Variants in OXR1 observed in about 807,000 individuals in gnomAD.
The protein encoded by OXR1 is oxidation resistance 1, also known as oxidation resistance protein 1.
In OXR1, 41 loss-of-function variants were observed where a neutral mutation model predicts 104.6. The observed-to-expected ratio is 0.39, with a 90% CI of 0.31 to 0.51. OXR1 has a LOEUF of 0.51. Among genes scored for constraint, OXR1 ranks in the 20% least tolerant of loss-of-function variants. OXR1 has a pLI of 0.77. For missense variants in OXR1, 955 were observed against 1,031.9 expected (o/e 0.93, Z 1.02); for synonymous variants, 348 against 348.4 (o/e 1.00, Z 0.01).
intron 2 of OXR1, among the ~76,000 whole-genome samples, chr8:106,471,847 G>T (rs1182779397): frequency 1.3e-5 from 2 of 151,788 alleles, no homozygotes; most frequent in Non-Finnish European, 2.9e-5. Context: ...TAGACTTAGA[G>T]GAAAGTTACA....
At chr8:106,588,488 C>A (rs1389780089) in intron 3 of OXR1, among the ~76,000 whole-genome samples, 1 of 140,384 alleles carries the variant, frequency 7.1e-6, no homozygotes, top group Non-Finnish European at 1.5e-5. Context: ...TATAATTTCT[C>A]ATTTACTTTT....
chr8:106,722,487 G>A (rs762140013), intron 11 of OXR1, among the ~76,000 whole-genome samples: 3 of 152,108 alleles, frequency 2.0e-5, no homozygotes, highest in Non-Finnish European at 4.4e-5. Flanking sequence ...CGGTCATGCA[G>A]CACATAATGA....
At chr8:106,601,900 T>C (rs1819998460) in intron 3 of OXR1, among the ~76,000 whole-genome samples, 2 of 152,212 alleles carry the variant, frequency 1.3e-5, no homozygotes, top group African/African-American at 4.8e-5. Context: ...AAAGAGGCTC[T>C]AGAGGTCAGA....
At chr8:106,707,383 C>G (rs1342396533) in intron 9 of OXR1, 8 of 626,048 alleles carry the variant, frequency 1.3e-5, no homozygotes, top group Non-Finnish European at 2.0e-5. Flanking sequence ...TTTAAACATT[C>G]TTGGCTCACT....
chr8:106,600,753 G>A (rs1819910799), intron 3 of OXR1, among the ~76,000 whole-genome samples: 1 of 152,050 alleles, frequency 6.6e-6, no homozygotes, highest in African/African-American at 2.4e-5. Context: ...TTACTTCTAT[G>A]GCTCATGTCA....
intron 2 of OXR1, among the ~76,000 whole-genome samples, chr8:106,419,877 A>G (rs140965857): frequency 2.6e-5 from 4 of 152,260 alleles, no homozygotes; most frequent in East Asian, 1.9e-4. Flanking sequence ...AACTTTTTTC[A>G]GAAAAGGAAA....
chr8:106,675,451 C>T (rs140966402), intron 3 of OXR1, among the ~76,000 whole-genome samples: 112 of 152,244 alleles, frequency 7.4e-4, no homozygotes, highest in African/African-American at 2.7e-3. Flanking sequence ...ATAAGTTTCC[C>T]TCTTAACACT....
At chr8:106,515,213 ATATT>A (rs1184269779) in intron 2 of OXR1, among the ~76,000 whole-genome samples, 22 of 152,060 alleles carry the variant, frequency 1.4e-4, no homozygotes, top group Non-Finnish European at 4.4e-5. Flanking sequence ...AAAATTATAT[ATATT>A]TATAGGGTAC....
At chr8:106,562,525 G>C (rs1816757572) in intron 3 of OXR1, among the ~76,000 whole-genome samples, 1 of 152,146 alleles carries the variant, frequency 6.6e-6, no homozygotes, top group South Asian at 2.1e-4. Flanking sequence ...AGGGAGAATG[G>C]AACCAAGTTG....
intron 3 of OXR1, among the ~76,000 whole-genome samples, chr8:106,576,023 A>ACAC (rs1563616871): frequency 7.0e-5 from 7 of 100,310 alleles, no homozygotes; most frequent in African/African-American, 1.5e-4. Flanking sequence ...CACACACACA[A>ACAC]AACCCTGAAA....
At position 106,436,505 on chromosome 8, in the gene OXR1, A is replaced by G. The variant is rs73307197; in HGVS notation, c.23+76869A>G. Among the ~76,000 whole-genome samples, 712 of 134,670 alleles carry G rather than the reference A, an allele frequency of 5.3e-3. 6 individuals carry two copies. The highest frequency in any genetic ancestry group is 0.021 in the African/African-American group (681 of 32,374). The allele number at this position is 134,670 out of a possible 152,430, so 88.3% of individuals were successfully genotyped here. ...TCCTCACCACAGCCTAATAAAAATG[A>G]GTGTTTTGTGCCTATGCAAAAAAAA... On this transcript the variant is annotated intron_variant, in intron 2 of 16. Coordinates refer to ENST00000517566, the MANE Select transcript of OXR1 (RefSeq NM_001198533.2).
At chr8:106,302,343 G>A (rs1157679473) in intron 1 of OXR1, among the ~76,000 whole-genome samples, 2 of 152,188 alleles carry the variant, frequency 1.3e-5, no homozygotes, top group Non-Finnish European at 2.9e-5. Context: ...AGCACTTTGG[G>A]AGGCCGAGGC....
rs895922070 is a variant in OXR1 at position 106,686,780 on chromosome 8, A to C, written c.525+2421A>C. Among the ~76,000 whole-genome samples the C allele has an allele frequency of 3.3e-5, 5 of 152,186 alleles. No homozygotes were observed. The South Asian group carries it at 1.0e-3, about 31-fold the overall frequency. On this transcript the variant is annotated intron_variant, in intron 6 of 16. Coordinates refer to ENST00000517566, the MANE Select transcript of OXR1 (RefSeq NM_001198533.2). ...TGGCTTTGTCGGCATAAAGACTTTC[A>C]TTGGTAATAATTCGTTTTCACTTAA...
At chr8:106,740,231 T>C (rs1282201868) in intron 13 of OXR1, 112 bp from the exon 14 acceptor site, 9 of 667,510 alleles carry the variant, frequency 1.3e-5, no homozygotes, top group Admixed American at 2.9e-5. Flanking sequence ...CTACTGTTAA[T>C]TTATTTTTAT....
At chr8:106,511,214 T>A (rs1478046457) in intron 2 of OXR1, among the ~76,000 whole-genome samples, 2 of 152,198 alleles carry the variant, frequency 1.3e-5, no homozygotes, top group Non-Finnish European at 2.9e-5. Flanking sequence ...TCAGACTGTA[T>A]AGGAGGGGTA....
intron 1 of OXR1, among the ~76,000 whole-genome samples, chr8:106,303,045 A>G (rs1057025021): frequency 8.0e-5 from 12 of 149,474 alleles, no homozygotes; most frequent in African/African-American, 2.9e-4. Context: ...GAGCCAGCGC[A>G]CCTGGCCGCA....
intron 1 of OXR1, among the ~76,000 whole-genome samples, chr8:106,299,021 A>T (rs189721605): frequency 1.3e-3 from 194 of 151,270 alleles, no homozygotes; most frequent in Admixed American, 3.9e-3. Context: ...CAGATATACA[A>T]TGAGTTGGGA....
At chr8:106,412,232 C>A (rs1818484264) in intron 2 of OXR1, among the ~76,000 whole-genome samples, 1 of 151,898 alleles carries the variant, frequency 6.6e-6, no homozygotes, top group Non-Finnish European at 1.5e-5. Context: ...TCTGGCTGCC[C>A]CAGGCTTTTT....
At chr8:106,523,219 G>A (rs1813387446) in intron 3 of OXR1, among the ~76,000 whole-genome samples, 2 of 152,160 alleles carry the variant, frequency 1.3e-5, no homozygotes, top group South Asian at 4.1e-4. Flanking sequence ...AACCAACCAA[G>A]AATACTCTCT....
Sources: allele counts gnomAD v4.1 joint callset (sites outside exome capture counted in the v4.1 genomes callset), GRCh38; gene constraint gnomAD v4.1.1; transcripts MANE v1.5; gene names NCBI Gene and HGNC (gene_info 2026-07-23, HGNC 2026-07-21).